ASTN2: variants seen among roughly 807,000 people sequenced by gnomAD.
ASTN2 encodes astrotactin-2.
A neutral mutation model predicts 139.8 loss-of-function variants in ASTN2; 54 were observed. The observed-to-expected ratio is 0.39, with a 90% CI of 0.31 to 0.48. ASTN2 has a LOEUF of 0.48. Ranked by LOEUF, ASTN2 falls within the 20% of genes least tolerant of loss-of-function variation. The pLI, the probability that ASTN2 is intolerant of heterozygous loss-of-function variation, is 0.95. For missense variants in ASTN2, 1,565 were observed against 1,725.1 expected (o/e 0.91, Z 1.64); for synonymous variants, 756 against 719.5 (o/e 1.05, Z -0.81).
intron 10 of ASTN2, among the ~76,000 whole-genome samples, chr9:116,945,993 C>T (rs923108868): frequency 6.6e-6 from 1 of 152,296 alleles, no homozygotes; most frequent in South Asian, 2.1e-4. Context: ...GGTCCTCCTT[C>T]GCATGGTGGT....
intron 19 of ASTN2, among the ~76,000 whole-genome samples, chr9:116,597,636 CT>C (rs1341746598): frequency 6.6e-6 from 1 of 151,700 alleles, no homozygotes; most frequent in African/African-American, 2.4e-5. Flanking sequence ...TATTCATGAA[CT>C]TTGAATGACT....
At position 116,425,507 on chromosome 9, in the gene ASTN2, G is replaced by C; in HGVS notation, c.*344C>G. ...GCAGGAAGAAAGCAGAGTGTGGCAG[G>C]AAGAAGGAAGAAGAGCAAAGGCCGC... is the stretch of plus-strand genomic sequence containing the variant. On this transcript the variant is annotated 3_prime_UTR_variant, in exon 23 of 23. Coordinates refer to ENST00000313400, the MANE Select transcript of ASTN2 (RefSeq NM_001365068.1). 6.6e-7 allele frequency: 1 copy of C among 1,507,162 alleles called. No individual in the cohort carries two copies. Among genetic ancestry groups the C allele is most frequent in the East Asian group, 2.3e-5 (1 of 44,328 alleles). The allele number at this position is 1,507,162 out of a possible 1,614,324, so 93.4% of individuals were successfully genotyped here.
At chr9:117,295,383 A>G (rs1203822990) in intron 1 of ASTN2, among the ~76,000 whole-genome samples, 1 of 152,190 alleles carries the variant, frequency 6.6e-6, no homozygotes, top group African/African-American at 2.4e-5. Context: ...TTTATGCTTT[A>G]CATTTCCTTG....
chr9:116,717,817 A>G (rs1828356071), intron 16 of ASTN2, among the ~76,000 whole-genome samples: 1 of 152,250 alleles, frequency 6.6e-6, no homozygotes, highest in African/African-American at 2.4e-5. Context: ...TTGAGACTGC[A>G]AGAAAGCTAT....
At chr9:117,047,940 A>G (rs757294025) in intron 5 of ASTN2, among the ~76,000 whole-genome samples, 3 of 152,164 alleles carry the variant, frequency 2.0e-5, no homozygotes, top group Non-Finnish European at 2.9e-5. Flanking sequence ...TTTTGCATGC[A>G]GTATCTCATC....
rs768452232 is a variant in ASTN2, at chr9:116,689,107, T to TC, written c.2806+36663dup. Among the ~76,000 whole-genome samples the TC allele has an allele frequency of 1.3e-3, 192 of 151,980 alleles. 2 individuals carry two copies. Among genetic ancestry groups the TC allele is most frequent in the East Asian group, 9.7e-4 (5 of 5,166 alleles). ...TTTGACAATGTGTGGGATACGCCCT[T>TC]CCCCCCCGCAGTAAGGAATTATCCT... On this transcript the variant is annotated intron_variant, in intron 16 of 22. Transcript: ENST00000313400.
intron 1 of ASTN2, among the ~76,000 whole-genome samples, chr9:117,356,939 C>T (rs2130888948): frequency 6.6e-6 from 1 of 152,140 alleles, no homozygotes; most frequent in South Asian, 2.1e-4. Flanking sequence ...GGGCGCATGC[C>T]TGTAATGCCA....
intron 5 of ASTN2, among the ~76,000 whole-genome samples, chr9:117,095,586 C>T (rs1262472569): frequency 6.6e-6 from 1 of 152,156 alleles, no homozygotes; most frequent in Non-Finnish European, 1.5e-5. Flanking sequence ...TAACCCTGTA[C>T]ATTTTATTTC....
chr9:116,827,850 A>C (rs1831681076), intron 11 of ASTN2, among the ~76,000 whole-genome samples: 1 of 152,256 alleles, frequency 6.6e-6, no homozygotes, highest in African/African-American at 2.4e-5. Context: ...AACAATCCCA[A>C]AAAAATGAGG....
intron 12 of ASTN2, among the ~76,000 whole-genome samples, chr9:116,810,497 C>A (rs1454458591): frequency 6.6e-6 from 1 of 152,142 alleles, no homozygotes; most frequent in Non-Finnish European, 1.5e-5. Flanking sequence ...CTGTTGCAAT[C>A]TTTTAAACTT....
At chr9:116,497,609 C>T (rs1849708341) in intron 19 of ASTN2, among the ~76,000 whole-genome samples, 1 of 152,152 alleles carries the variant, frequency 6.6e-6, no homozygotes, top group African/African-American at 2.4e-5. Flanking sequence ...TTAATTAGAG[C>T]CATAAAAGCC....
chr9:116,785,756 T>C (rs1830356868), intron 13 of ASTN2, among the ~76,000 whole-genome samples: 1 of 152,144 alleles, frequency 6.6e-6, no homozygotes, highest in African/African-American at 2.4e-5. Flanking sequence ...CCTCTCTCCA[T>C]GCTGACTTGT....
At chr9:116,653,139 G>A (rs532005698) in intron 16 of ASTN2, among the ~76,000 whole-genome samples, 1 of 152,148 alleles carries the variant, frequency 6.6e-6, no homozygotes, top group Non-Finnish European at 1.5e-5. Context: ...CCCACTTTCA[G>A]TGCCAAACAT....
chr9:117,139,280 C>T (rs1322510706), intron 4 of ASTN2, among the ~76,000 whole-genome samples: 1 of 152,188 alleles, frequency 6.6e-6, no homozygotes, highest in African/African-American at 2.4e-5. Flanking sequence ...TACATTCAGC[C>T]TTTTATCAGG....
At chr9:116,520,892 C>A (rs1287798878) in intron 19 of ASTN2, among the ~76,000 whole-genome samples, 1 of 151,962 alleles carries the variant, frequency 6.6e-6, no homozygotes, top group Non-Finnish European at 1.5e-5. Context: ...GAACTCAATC[C>A]CTTTCACAAT....
chr9:117,311,388 G>A (rs1166000611), intron 1 of ASTN2, among the ~76,000 whole-genome samples: 1 of 152,130 alleles, frequency 6.6e-6, no homozygotes, highest in Non-Finnish European at 1.5e-5. Flanking sequence ...TCCCACCAGA[G>A]GCACATACCA....
chr9:116,840,304 A>G (rs1303810600), intron 11 of ASTN2, among the ~76,000 whole-genome samples: 1 of 150,774 alleles, frequency 6.6e-6, no homozygotes, highest in African/African-American at 2.4e-5. Context: ...CAACCATCCG[A>G]TTTCTCAATC....
intron 10 of ASTN2, among the ~76,000 whole-genome samples, chr9:116,965,200 C>CA (rs1835981140): frequency 6.6e-6 from 1 of 152,216 alleles, no homozygotes. Flanking sequence ...TCTGAGTTGG[C>CA]ATGTAGGCTC....
chr9:116,903,323 C>T (rs757168103), intron 10 of ASTN2, among the ~76,000 whole-genome samples: 4 of 152,076 alleles, frequency 2.6e-5, no homozygotes, highest in African/African-American at 9.7e-5. Context: ...AATGTAAAAT[C>T]GTTGTTGGCA....
Sources: gnomAD v4.1 joint callset for allele counts (sites outside exome capture counted in the v4.1 genomes callset) on GRCh38, gnomAD v4.1.1 for gene constraint, MANE v1.5 for transcripts, NCBI Gene and HGNC (gene_info 2026-07-23, HGNC 2026-07-21) for gene names.